The following NTM variants were observed in gnomAD, a reference collection of about 807,000 sequenced individuals.
NTM encodes IgLON family member 2.
Under a neutral mutation model 42.1 loss-of-function variants are expected in NTM, and 13 were observed. That is an observed-to-expected ratio of 0.31 (90% CI 0.20 to 0.49). The LOEUF is 0.49. Ranked by LOEUF, NTM falls within the 20% of genes least tolerant of loss-of-function variation. NTM has a pLI of 0.99. For missense variants in NTM, 373 were observed against 452.8 expected (o/e 0.82, Z 1.60); for synonymous variants, 187 against 179.2 (o/e 1.04, Z -0.35).
At chr11:131,446,837 A>G (rs919171034) in intron 1 of NTM, among the ~76,000 whole-genome samples, 1 of 152,234 alleles carries the variant, frequency 6.6e-6, no homozygotes, top group African/African-American at 2.4e-5. Flanking sequence ...CCTTACTGCT[A>G]TCTAGAGTAT....
rs1565494793 is a variant in NTM, at chr11:131,432,839, C to CATTTTTTT, written c.82+61951_82+61952insATTTTTTT. Among the ~76,000 whole-genome samples, 53 of 68,698 alleles carry CATTTTTTT rather than the reference C, an allele frequency of 7.7e-4. 1 individual carries two copies. Among genetic ancestry groups the CATTTTTTT allele is most frequent in the Non-Finnish European group, 1.1e-3 (42 of 38,806 alleles). 45.1% of individuals were successfully genotyped at this position (68,698 alleles called of 152,430 possible). A position where few individuals can be genotyped will look rare whatever the true frequency, so the allele number is the denominator to read the frequency against. Reference sequence around the variant, plus strand: ...CTACAAAAGATGAAGATTTAGCATTCTTTTTTTTTTTTTTTTTTTTTTTTT... The same window carrying CATTTTTTT: ...CTACAAAAGATGAAGATTTAGCATTCATTTTTTTTTTTTTTTTTTTTTTTTTTTTTTTT... On this transcript the variant is annotated intron_variant, in intron 1 of 8. Coordinates refer to ENST00000683400, the MANE Select transcript of NTM (RefSeq NM_001352005.2).
chr11:132,236,908 G>T (rs912264963), intron 4 of NTM, among the ~76,000 whole-genome samples: 6 of 152,142 alleles, frequency 3.9e-5, no homozygotes, highest in Non-Finnish European at 8.8e-5. Flanking sequence ...GTTTTTCCTG[G>T]GGACACCACA....
chr11:132,005,929 A>T (rs928025506), intron 2 of NTM, among the ~76,000 whole-genome samples: 1 of 152,214 alleles, frequency 6.6e-6, no homozygotes, highest in African/African-American at 2.4e-5. Flanking sequence ...GTTTTGAAGA[A>T]ATAAAAGGTA....
chr11:131,713,734 G>C (rs2077400612), intron 1 of NTM, among the ~76,000 whole-genome samples: 1 of 152,194 alleles, frequency 6.6e-6, no homozygotes, highest in South Asian at 2.1e-4. Flanking sequence ...CAGGTCTGCA[G>C]CAACCTCAAT....
chr11:131,989,998 T>G lies in NTM; in HGVS notation c.167+78350T>G, dbSNP rs374915223. ...AAGAAGTTGTAAATATTTGGAACAA[T>G]AAAGACATCCATCTATTACTGTTAT... On this transcript the variant is annotated intron_variant, in intron 2 of 8. Coordinates refer to ENST00000683400, the MANE Select transcript of NTM (RefSeq NM_001352005.2). Among the ~76,000 whole-genome samples the G allele has an allele frequency of 6.2e-4, 94 of 152,250 alleles. 1 individual carries two copies. Among genetic ancestry groups the G allele is most frequent in the South Asian group, 2.7e-3 (13 of 4,830 alleles).
At chr11:131,411,346 C>T (rs149059438) in intron 1 of NTM, among the ~76,000 whole-genome samples, 2 of 152,240 alleles carry the variant, frequency 1.3e-5, no homozygotes, top group East Asian at 3.9e-4. Context: ...TGCCTGGTTC[C>T]TAGTTGGCAC....
At chr11:132,044,809 AC>A (rs1413137195) in intron 2 of NTM, among the ~76,000 whole-genome samples, 1 of 152,148 alleles carries the variant, frequency 6.6e-6, no homozygotes, top group Admixed American at 6.5e-5. Context: ...GGACACAGGC[AC>A]CCTCCCGAGA....
intron 1 of NTM, among the ~76,000 whole-genome samples, chr11:131,521,685 A>C (rs1200784541): frequency 3.3e-5 from 5 of 151,994 alleles, no homozygotes; most frequent in Admixed American, 1.3e-4. Context: ...CATGACCCAC[A>C]CACCTCTCAT....
intron 2 of NTM, among the ~76,000 whole-genome samples, chr11:132,102,609 A>C (rs1294668935): frequency 2.6e-5 from 4 of 152,218 alleles, no homozygotes; most frequent in African/African-American, 9.6e-5. Context: ...GGTGTTGTCA[A>C]CTGGTTATTT....
intron 3 of NTM, among the ~76,000 whole-genome samples, chr11:132,155,413 C>A (rs2072946963): frequency 1.3e-5 from 2 of 152,150 alleles, no homozygotes; most frequent in African/African-American, 2.4e-5. Context: ...CTTTTTCTGT[C>A]TTCTTTCTAT....
At chr11:131,788,273 CT>C (rs1407678732) in intron 1 of NTM, among the ~76,000 whole-genome samples, 2 of 151,966 alleles carry the variant, frequency 1.3e-5, no homozygotes, top group African/African-American at 4.8e-5. Context: ...ACTATGCCAA[CT>C]TAAAAAAATT....
At chr11:132,055,373 C>A (rs149039052) in intron 2 of NTM, among the ~76,000 whole-genome samples, 1 of 152,198 alleles carries the variant, frequency 6.6e-6, no homozygotes, top group Non-Finnish European at 1.5e-5. Context: ...AGAGCCCTAG[C>A]GTCAGAGGGG....
At chr11:131,751,327 CACCG>C (rs1156966197) in intron 1 of NTM, among the ~76,000 whole-genome samples, 1 of 151,738 alleles carries the variant, frequency 6.6e-6, no homozygotes, top group Non-Finnish European at 1.5e-5. Context: ...TGGCTCACGC[CACCG>C]TGTAATCCCA....
intron 1 of NTM, among the ~76,000 whole-genome samples, chr11:131,722,498 C>A (rs1179960024): frequency 6.6e-6 from 1 of 152,184 alleles, no homozygotes; most frequent in East Asian, 1.9e-4. Flanking sequence ...CAGAAACATG[C>A]AGAACTCAAG....
intron 4 of NTM, among the ~76,000 whole-genome samples, chr11:132,234,913 C>G (rs1245378538): frequency 6.6e-6 from 1 of 152,166 alleles, no homozygotes; most frequent in Non-Finnish European, 1.5e-5. Context: ...AATAGATTTT[C>G]AACGTTAGAT....
chr11:131,514,458 C>A (rs1183729489), intron 1 of NTM, among the ~76,000 whole-genome samples: 1 of 152,072 alleles, frequency 6.6e-6, no homozygotes, highest in Non-Finnish European at 1.5e-5. Context: ...GATACGGGAG[C>A]CCACACCCAA....
chr11:131,937,689 T>C (rs1034235422), intron 2 of NTM, among the ~76,000 whole-genome samples: 1 of 152,336 alleles, frequency 6.6e-6, no homozygotes, highest in South Asian at 2.1e-4. Context: ...AATGCCTCGG[T>C]AATCTGGTTC....
At chr11:131,626,140 T>C (rs1021993075) in intron 1 of NTM, among the ~76,000 whole-genome samples, 8 of 152,122 alleles carry the variant, frequency 5.3e-5, no homozygotes, top group African/African-American at 1.9e-4. Flanking sequence ...ACTTTATAGA[T>C]GTTGAAATTA....
intron 1 of NTM, among the ~76,000 whole-genome samples, chr11:131,497,000 T>C (rs1955415167): frequency 6.6e-6 from 1 of 152,070 alleles, no homozygotes; most frequent in African/African-American, 2.4e-5. Flanking sequence ...GCATTCTCTC[T>C]AGCAGGAGGT....
Sources: gnomAD v4.1 joint callset for allele counts (sites outside exome capture counted in the v4.1 genomes callset) on GRCh38, gnomAD v4.1.1 for gene constraint, MANE v1.5 for transcripts, NCBI Gene and HGNC (gene_info 2026-07-23, HGNC 2026-07-21) for gene names.